Variants in RSPO3 observed in about 807,000 individuals in gnomAD.
RSPO3 encodes R-spondin 3.
A neutral mutation model predicts 36.5 loss-of-function variants in RSPO3; 17 were observed. That is an observed-to-expected ratio of 0.47 (90% CI 0.32 to 0.70). The LOEUF is 0.70. RSPO3 is among the 30% of genes least tolerant of loss of function. The pLI is 0.04. For synonymous variants in RSPO3, 108 were observed against 107.0 expected (o/e 1.01, Z -0.06); for missense variants, 294 against 322.5 (o/e 0.91, Z 0.68).
intron 1 of RSPO3, among the ~76,000 whole-genome samples, chr6:127,147,592 T>C (rs1362886758): frequency 1.3e-5 from 2 of 152,188 alleles, no homozygotes; most frequent in Non-Finnish European, 2.9e-5. Context: ...CAGTAGTTTT[T>C]ACCAGCTCAT....
chr6:127,148,510 GA>G (rs1229174997), intron 1 of RSPO3, 137 bp from the exon 2 acceptor site: 11 of 556,440 alleles, frequency 2.0e-5, no homozygotes, highest in South Asian at 3.7e-5. Context: ...AAAAAGATAG[GA>G]AAAAAAATCC....
At chr6:127,171,492 T>C (rs6925791) in intron 4 of RSPO3, among the ~76,000 whole-genome samples, 10,150 of 151,816 alleles carry the variant, frequency 0.067, 704 homozygotes, top group African/African-American at 0.18. Context: ...TACTAACTTA[T>C]AGAAACATCC....
chr6:127,140,714 C>T (rs111917008), intron 1 of RSPO3, among the ~76,000 whole-genome samples: 1 of 152,270 alleles, frequency 6.6e-6, no homozygotes, highest in Non-Finnish European at 1.5e-5. Context: ...AGGCTTTTTA[C>T]TCTGGCCCTC....
chr6:127,127,541 T>G (rs1773962205), intron 1 of RSPO3, among the ~76,000 whole-genome samples: 1 of 152,112 alleles, frequency 6.6e-6, no homozygotes, highest in African/African-American at 2.4e-5. Flanking sequence ...TAATCACCAG[T>G]AAGTGCCAGA....
In RSPO3 at chr6:127,144,667, C is replaced by T. The variant is rs565270776; in HGVS notation, c.98-3981C>T. On this transcript the variant is annotated intron_variant, in intron 1 of 4. Coordinates refer to ENST00000356698, the MANE Select transcript of RSPO3 (RefSeq NM_032784.5). ...TGTTTTTTTTTTTTTCAGACAGAGT[C>T]TCACTCTGTCACCCAGGCTGGAGTG... Among the ~76,000 whole-genome samples the T allele has an allele frequency of 2.0e-3, 64 of 32,276 alleles. 1 individual carries two copies. Among genetic ancestry groups the T allele is most frequent in the African/African-American group, 8.6e-3 (62 of 7,232 alleles). 21.2% of individuals were successfully genotyped at this position (32,276 alleles called of 152,430 possible).
rs546019593 is a variant in RSPO3, at chr6:127,184,959, T to C, written c.635-10864T>C. 4.1e-4 allele frequency among the ~76,000 whole-genome samples: 63 copies of C among 151,964 alleles called. 1 individual carries two copies. The highest frequency in any genetic ancestry group is 1.5e-3 in the African/African-American group (61 of 41,522). ...AAATATATACACACACAAACATACA[T>C]ACACATTTGTTCCCCAGGTCTATAC... On this transcript the variant is annotated intron_variant, in intron 4 of 4. Transcript: ENST00000356698.
chr6:127,192,843 C>A, intron 4 of RSPO3: 1 of 295,032 alleles, frequency 3.4e-6, no homozygotes, highest in Non-Finnish European at 5.0e-6. Flanking sequence ...GCAAAATTGC[C>A]AAAAAAGCCT....
At chr6:127,172,179 T>C (rs912733504) in intron 4 of RSPO3, among the ~76,000 whole-genome samples, 2 of 150,230 alleles carry the variant, frequency 1.3e-5, no homozygotes, top group African/African-American at 4.9e-5. Flanking sequence ...ATCTGGACAA[T>C]TGGCTTATTA....
intron 4 of RSPO3, among the ~76,000 whole-genome samples, chr6:127,180,202 A>C (rs1032105471): frequency 3.3e-5 from 5 of 151,842 alleles, no homozygotes; most frequent in African/African-American, 9.7e-5. Flanking sequence ...TCCATTGAGA[A>C]GCAACATCAA....
intron 1 of RSPO3, among the ~76,000 whole-genome samples, chr6:127,120,319 T>C (rs934800034): frequency 6.6e-6 from 1 of 151,716 alleles, no homozygotes; most frequent in African/African-American, 2.4e-5. Flanking sequence ...CCATGGGGAG[T>C]CCTTTCGCAG....
intron 1 of RSPO3, among the ~76,000 whole-genome samples, chr6:127,141,080 A>G (rs1774261011): frequency 6.6e-6 from 1 of 152,234 alleles, no homozygotes; most frequent in Non-Finnish European, 1.5e-5. Context: ...TTAACTGATG[A>G]ACATCATGTC....
chr6:127,144,270 G>T (rs1349200707), intron 1 of RSPO3, among the ~76,000 whole-genome samples: 3 of 152,028 alleles, frequency 2.0e-5, no homozygotes, highest in African/African-American at 7.2e-5. Context: ...CATGAATTCT[G>T]CCCATTTTCC....
intron 1 of RSPO3, among the ~76,000 whole-genome samples, chr6:127,132,759 C>T (rs1370122622): frequency 2.6e-5 from 4 of 152,058 alleles, no homozygotes; most frequent in Non-Finnish European, 4.4e-5. Flanking sequence ...CCAGTGTTCC[C>T]TTTCTGTGCT....
intron 1 of RSPO3, among the ~76,000 whole-genome samples, chr6:127,147,448 T>C (rs1774407284): frequency 6.6e-6 from 1 of 152,152 alleles, no homozygotes. Flanking sequence ...TCTTTCTTTC[T>C]CTAAGGATTA....
At chr6:127,134,556 T>C (rs1774116160) in intron 1 of RSPO3, among the ~76,000 whole-genome samples, 1 of 152,222 alleles carries the variant, frequency 6.6e-6, no homozygotes, top group Non-Finnish European at 1.5e-5. Context: ...GGCAAATATA[T>C]GTCAACAAGT....
chr6:127,165,510 T>C (rs1774806120), intron 4 of RSPO3, among the ~76,000 whole-genome samples: 1 of 152,022 alleles, frequency 6.6e-6, no homozygotes, highest in South Asian at 2.1e-4. Flanking sequence ...GGCTTCACAT[T>C]TGTCTAGTTT....
At chr6:127,130,302 C>T (rs1202410566) in intron 1 of RSPO3, among the ~76,000 whole-genome samples, 1 of 152,128 alleles carries the variant, frequency 6.6e-6, no homozygotes, top group Non-Finnish European at 1.5e-5. Flanking sequence ...AACAAAGACA[C>T]TGTCCTTACA....
At chr6:127,122,714 G>T (rs1773868868) in intron 1 of RSPO3, among the ~76,000 whole-genome samples, 1 of 152,154 alleles carries the variant, frequency 6.6e-6, no homozygotes, top group South Asian at 2.1e-4. Context: ...TAGGTTTAGA[G>T]AATAAACTGT....
intron 1 of RSPO3, among the ~76,000 whole-genome samples, chr6:127,143,105 A>C (rs1223089979): frequency 6.6e-6 from 1 of 151,848 alleles, no homozygotes; most frequent in East Asian, 1.9e-4. Context: ...CAACATATTT[A>C]TCATTTTTTA....
Sources: gnomAD v4.1 joint callset for allele counts (sites outside exome capture counted in the v4.1 genomes callset) on GRCh38, gnomAD v4.1.1 for gene constraint, MANE v1.5 for transcripts, NCBI Gene and HGNC (gene_info 2026-07-23, HGNC 2026-07-21) for gene names.